Variants in TMEM132C observed in about 807,000 individuals in gnomAD.
TMEM132C encodes transmembrane protein 132C, also known as protein phosphatase 1, regulatory subunit 152.
A neutral mutation model predicts 61.4 loss-of-function variants in TMEM132C; 29 were observed. The ratio of observed to expected loss-of-function variants is 0.47; its 90% CI spans 0.35 to 0.64. TMEM132C has a LOEUF of 0.64. TMEM132C is among the 30% of genes least tolerant of loss of function. The pLI, the probability that TMEM132C is intolerant of heterozygous loss-of-function variation, is 0.00. For missense variants in TMEM132C, 1,408 were observed against 1,476.9 expected (o/e 0.95, Z 0.76); for synonymous variants, 656 against 633.1 (o/e 1.04, Z -0.54).
chr12:128,485,985 T>C (rs1707770178), intron 2 of TMEM132C, among the ~76,000 whole-genome samples: 1 of 152,158 alleles, frequency 6.6e-6, no homozygotes, highest in Non-Finnish European at 1.5e-5. Context: ...CCATAAAAAA[T>C]GGCTTCTCCC....
chr12:128,377,701 G>A (rs569051659), intron 1 of TMEM132C, among the ~76,000 whole-genome samples: 11 of 152,218 alleles, frequency 7.2e-5, no homozygotes, highest in South Asian at 2.1e-4. Context: ...ACACACCCCA[G>A]CATGTTTGTA....
At chr12:128,356,670 C>T (rs1013604629) in intron 1 of TMEM132C, among the ~76,000 whole-genome samples, 1 of 152,310 alleles carries the variant, frequency 6.6e-6, no homozygotes. Context: ...ATGGGAAAAT[C>T]AGTTTGCTGC....
At chr12:128,660,086 G>A (rs758207331) in intron 4 of TMEM132C, among the ~76,000 whole-genome samples, 12 of 152,198 alleles carry the variant, frequency 7.9e-5, no homozygotes, top group African/African-American at 2.4e-4. Context: ...TGGGATACAC[G>A]AAGCGCTTAA....
intron 3 of TMEM132C, among the ~76,000 whole-genome samples, chr12:128,609,415 T>G (rs1249690782): frequency 1.3e-5 from 2 of 151,454 alleles, no homozygotes; most frequent in Non-Finnish European, 2.9e-5. Context: ...TTTTAGTTTT[T>G]GTTTTTGTTT....
At chr12:128,528,692 G>A (rs78275261) in intron 2 of TMEM132C, among the ~76,000 whole-genome samples, 1,584 of 152,158 alleles carry the variant, frequency 0.01, 24 homozygotes, top group African/African-American at 0.037. Context: ...GCTGAATACC[G>A]GTATCACCCA....
chr12:128,424,559 T>C (rs578140106), intron 2 of TMEM132C, among the ~76,000 whole-genome samples: 2 of 152,222 alleles, frequency 1.3e-5, no homozygotes, highest in Admixed American at 1.3e-4. Flanking sequence ...AGATTAGTTG[T>C]TGCCAGGACA....
intron 2 of TMEM132C, among the ~76,000 whole-genome samples, chr12:128,496,094 C>G (rs1045226481): frequency 1.1e-4 from 16 of 151,998 alleles, no homozygotes; most frequent in Non-Finnish European, 5.9e-5. Flanking sequence ...ACTTATGAAG[C>G]TTAGTTTGGC....
chr12:128,589,760 CT>C (rs1452189245), intron 3 of TMEM132C, among the ~76,000 whole-genome samples: 1 of 149,404 alleles, frequency 6.7e-6, no homozygotes, highest in Admixed American at 6.6e-5. Context: ...ATTTGAATTC[CT>C]TTTTTTTCCC....
At chr12:128,576,096 A>G (rs780182639) in intron 3 of TMEM132C, among the ~76,000 whole-genome samples, 1 of 152,104 alleles carries the variant, frequency 6.6e-6, no homozygotes, top group Non-Finnish European at 1.5e-5. Context: ...CTCCACTAAT[A>G]ATACAAAAAT....
intron 2 of TMEM132C, among the ~76,000 whole-genome samples, chr12:128,473,039 T>G (rs1871001952): frequency 6.6e-6 from 1 of 152,226 alleles, no homozygotes; most frequent in Non-Finnish European, 1.5e-5. Flanking sequence ...AAGGATCTGC[T>G]GCCTTTTCTG....
At chr12:128,311,755 G>A (rs1392161998) in intron 1 of TMEM132C, among the ~76,000 whole-genome samples, 2 of 152,210 alleles carry the variant, frequency 1.3e-5, no homozygotes, top group African/African-American at 4.8e-5. Context: ...CACGCTGCCT[G>A]CTCAAACCTT....
intron 4 of TMEM132C, among the ~76,000 whole-genome samples, chr12:128,634,637 GC>G (rs1281275278): frequency 1.3e-5 from 2 of 152,246 alleles, no homozygotes; most frequent in African/African-American, 4.8e-5. Flanking sequence ...GAGCCCTTGT[GC>G]TGTGCACAGC....
intron 2 of TMEM132C, among the ~76,000 whole-genome samples, chr12:128,524,642 G>C (rs1202537217): frequency 1.3e-5 from 2 of 152,184 alleles, no homozygotes; most frequent in Admixed American, 6.5e-5. Flanking sequence ...ACCGTGAGAA[G>C]CTTGCGGTGA....
chr12:128,669,318 A>G, intron 4 of TMEM132C, 99 bp from the exon 5 acceptor site: 1 of 1,407,316 alleles, frequency 7.1e-7, no homozygotes, highest in Non-Finnish European at 9.6e-7. Context: ...AAACAAGGAC[A>G]GCCTGGTGTT....
chr12:128,312,373 T>C (rs894983659), intron 1 of TMEM132C, among the ~76,000 whole-genome samples: 8 of 152,072 alleles, frequency 5.3e-5, no homozygotes, highest in African/African-American at 1.4e-4. Flanking sequence ...AGTGGCACAA[T>C]TGGTTCACTG....
At chr12:128,339,684 A>AAAG (rs1481558073) in intron 1 of TMEM132C, among the ~76,000 whole-genome samples, 3 of 151,912 alleles carry the variant, frequency 2.0e-5, no homozygotes, top group African/African-American at 7.3e-5. Flanking sequence ...TACTAAAAAA[A>AAAG]AAAAAAAGCT....
intron 3 of TMEM132C, among the ~76,000 whole-genome samples, chr12:128,555,204 T>C (rs1297816843): frequency 6.6e-6 from 1 of 152,174 alleles, no homozygotes; most frequent in African/African-American, 2.4e-5. Flanking sequence ...AAATGCCCAT[T>C]AGTATTCCTT....
chr12:128,486,905 AC>A lies in TMEM132C; in HGVS notation c.975-57051del, dbSNP rs1565950559. Among the ~76,000 whole-genome samples, 105 of 129,244 alleles carry A rather than the reference AC, an allele frequency of 8.1e-4. 1 individual carries two copies. The highest frequency in any genetic ancestry group is 4.0e-3 in the Middle Eastern group (1 of 252). 84.8% of individuals were successfully genotyped at this position (129,244 alleles called of 152,430 possible). On this transcript the variant is annotated intron_variant, in intron 2 of 8. Transcript: ENST00000435159. ...CACACACACACACACACACACACACACACACACACACACACAGCTCAGCACT... is the reference window on the plus strand; with the variant it reads ...CACACACACACACACACACACACACAACACACACACACACAGCTCAGCACT...
chr12:128,506,341 C>T (rs1455387823), intron 2 of TMEM132C, among the ~76,000 whole-genome samples: 3 of 152,170 alleles, frequency 2.0e-5, no homozygotes, highest in Admixed American at 1.3e-4. Context: ...ACACAAGTTT[C>T]CTTCCAAAAA....
Sources: allele counts gnomAD v4.1 joint callset (sites outside exome capture counted in the v4.1 genomes callset), GRCh38; gene constraint gnomAD v4.1.1; transcripts MANE v1.5; gene names NCBI Gene and HGNC (gene_info 2026-07-23, HGNC 2026-07-21).